AP2A2: variants seen among roughly 807,000 people sequenced by gnomAD.
AP2A2 encodes adaptor related protein complex 2 subunit alpha 2.
In AP2A2, 32 loss-of-function variants were observed where a neutral mutation model predicts 104.2. The ratio of observed to expected loss-of-function variants is 0.31; its 90% CI spans 0.23 to 0.41. The LOEUF is 0.41. AP2A2 is among the 10% of genes least tolerant of loss of function. The pLI is 1.00. For synonymous variants in AP2A2, 539 were observed against 533.3 expected, an observed-to-expected ratio of 1.01 and a Z score of -0.15; for missense variants, 912 against 1,261.0, an observed-to-expected ratio of 0.72 and a Z score of 4.19.
chr11:937,552 G>A (rs1316225825), intron 1 of AP2A2, among the ~76,000 whole-genome samples: 5 of 152,184 alleles, frequency 3.3e-5, no homozygotes, highest in African/African-American at 9.7e-5. Context: ...AGGCTGCAGC[G>A]AGCCACGTTT....
At chr11:930,926 G>A (rs992717404) in intron 1 of AP2A2, among the ~76,000 whole-genome samples, 4 of 152,150 alleles carry the variant, frequency 2.6e-5, no homozygotes, top group Admixed American at 6.6e-5. Context: ...TCGTTAGATC[G>A]ACATGCACGT....
intron 1 of AP2A2, among the ~76,000 whole-genome samples, chr11:956,316 C>T (rs1386494803): frequency 6.6e-6 from 1 of 152,118 alleles, no homozygotes; most frequent in African/African-American, 2.4e-5. Context: ...GCATGCGCCA[C>T]CACGCCTGGC....
At chr11:991,800 G>A (rs1855665156) in intron 10 of AP2A2, among the ~76,000 whole-genome samples, 1 of 152,072 alleles carries the variant, frequency 6.6e-6, no homozygotes, top group South Asian at 2.1e-4. Context: ...GGTATTAGGG[G>A]TGCCCTCGGG....
At chr11:967,765 G>C (rs1375138358) in intron 2 of AP2A2, among the ~76,000 whole-genome samples, 1 of 152,144 alleles carries the variant, frequency 6.6e-6, no homozygotes, top group Non-Finnish European at 1.5e-5. Context: ...TCAGACTGGA[G>C]CCCAAACTTA....
chr11:934,231 G>A (rs749344941), intron 1 of AP2A2, among the ~76,000 whole-genome samples: 12 of 152,232 alleles, frequency 7.9e-5, no homozygotes, highest in Non-Finnish European at 1.2e-4. Context: ...ACTTCTAGCC[G>A]GGGGTTTGGG....
At chr11:952,003 G>A (rs990182323) in intron 1 of AP2A2, among the ~76,000 whole-genome samples, 1 of 151,974 alleles carries the variant, frequency 6.6e-6, no homozygotes, top group Non-Finnish European at 1.5e-5. Context: ...CTAGTAGCTG[G>A]GACCACAGGC....
At chr11:974,995 C>G (rs112378690) in intron 4 of AP2A2, among the ~76,000 whole-genome samples, 220 of 152,280 alleles carry the variant, frequency 1.4e-3, no homozygotes, top group Admixed American at 3.3e-3. Context: ...AAAACAAAAA[C>G]AAAAACATGC....
At chr11:990,543 C>T (rs757865474) in intron 10 of AP2A2, among the ~76,000 whole-genome samples, 5 of 152,186 alleles carry the variant, frequency 3.3e-5, no homozygotes, top group Non-Finnish European at 5.9e-5. Flanking sequence ...CCGGTGTCTG[C>T]TCTCGCCCCT....
Position 1,000,516 on chromosome 11 carries a change from A to G in AP2A2, c.2041A>G (p.Ser681Gly). 1.3e-6 allele frequency: 2 copies of G among 1,542,144 alleles called. No individual in the cohort carries two copies. The highest frequency in any genetic ancestry group is 1.7e-6 in the Non-Finnish European group (2 of 1,148,854). Residue 681 changes from serine to glycine, a missense_variant, in exon 15 of 22, where the codon AGC (serine) becomes GGC (glycine). Coordinates refer to ENST00000448903, the MANE Select transcript of AP2A2 (RefSeq NM_012305.4). ...GGGCCCCCCACCCTCCTCCGGCGGC[A>G]GCGGGCTGCTCGTGGACGTGTTCTC... The part of the protein sequence containing the change: ...PAGPPPSSGG[S>G]GLLVDVFSDS...
intron 6 of AP2A2, among the ~76,000 whole-genome samples, 183 bp from the exon 7 acceptor site, chr11:984,462 C>T (rs897717462): frequency 9.2e-5 from 14 of 152,282 alleles, no homozygotes; most frequent in East Asian, 1.9e-4. Context: ...TGCCGAGTGA[C>T]AGTGCAGCCC....
intron 1 of AP2A2, among the ~76,000 whole-genome samples, chr11:951,702 G>C (rs1175869120): frequency 1.3e-5 from 2 of 152,190 alleles, no homozygotes; most frequent in African/African-American, 4.8e-5. Flanking sequence ...ATAGCCCAGG[G>C]TCACGTAGCT....
At chr11:933,176 G>A (rs1044595323) in intron 1 of AP2A2, among the ~76,000 whole-genome samples, 8 of 152,170 alleles carry the variant, frequency 5.3e-5, no homozygotes, top group Non-Finnish European at 1.2e-4. Flanking sequence ...GCTGAGGCAG[G>A]AGAATCACTT....
rs1033469479 is a variant in AP2A2 at position 1,008,886 on chromosome 11, G to T, written c.2421-214G>T. The T allele has an allele frequency of 5.2e-6, 3 of 579,454 alleles. No homozygotes were observed. In the Admixed American group the frequency reaches 9.4e-5, roughly 18 times the overall value. 35.9% of individuals were successfully genotyped at this position (579,454 alleles called of 1,614,324 possible). A position where few individuals can be genotyped will look rare whatever the true frequency, so the allele number is the denominator to read the frequency against. The stretch of plus-strand genomic sequence containing the variant: ...GAGAAGTGAGGCACAGGGACGTCCT[G>T]CCTGAGTATGCGGCCCTGGCCTGTC... On this transcript the variant is annotated intron_variant, in intron 18 of 21. Transcript: ENST00000448903.
intron 1 of AP2A2, among the ~76,000 whole-genome samples, chr11:928,142 A>G (rs186282876): frequency 1.3e-5 from 2 of 152,334 alleles, no homozygotes; most frequent in Admixed American, 1.3e-4. Flanking sequence ...CGCCTACCAC[A>G]GTGAGTGCGG....
Position 1,010,483 on chromosome 11 carries a change from A to G in AP2A2, c.2743-65A>G. ...TGGCCCACAGGGTTCTGCATGGCGG[A>G]TCCTGGACCCGAGGGCTGTGTGAGC... On this transcript the variant is annotated intron_variant, in intron 21 of 21. Transcript: ENST00000448903. 5 of 1,371,108 alleles carry G rather than the reference A, an allele frequency of 3.6e-6. No individual in the cohort carries two copies. The South Asian group carries it at 3.8e-5, about 10-fold the overall frequency. 84.9% of individuals were successfully genotyped at this position (1,371,108 alleles called of 1,614,324 possible). A position where few individuals can be genotyped will look rare whatever the true frequency, so the allele number is the denominator to read the frequency against.
chr11:1,002,219 G>C (rs142389748), intron 15 of AP2A2, among the ~76,000 whole-genome samples: 1 of 152,252 alleles, frequency 6.6e-6, no homozygotes, highest in Non-Finnish European at 1.5e-5. Context: ...CACACCCTGA[G>C]TGTAAACTCC....
intron 5 of AP2A2, among the ~76,000 whole-genome samples, chr11:979,607 G>T (rs1855172798): frequency 6.6e-6 from 1 of 152,168 alleles, no homozygotes; most frequent in Non-Finnish European, 1.5e-5. Flanking sequence ...TGTCACCCAG[G>T]CTGGAGTGCA....
At chr11:990,452 CT>C (rs1855607867) in intron 10 of AP2A2, among the ~76,000 whole-genome samples, 1 of 151,804 alleles carries the variant, frequency 6.6e-6, no homozygotes, top group Admixed American at 6.5e-5. Flanking sequence ...GATTGTTGTT[CT>C]GGGTGTTTTG....
At chr11:936,016 C>T (rs937994991) in intron 1 of AP2A2, among the ~76,000 whole-genome samples, 1 of 151,572 alleles carries the variant, frequency 6.6e-6, no homozygotes, top group Non-Finnish European at 1.5e-5. Context: ...ATTCTTCTGC[C>T]TCAGCCTCCC....
Sources: allele counts gnomAD v4.1 joint callset (sites outside exome capture counted in the v4.1 genomes callset), GRCh38; gene constraint gnomAD v4.1.1; transcripts MANE v1.5; gene names NCBI Gene and HGNC (gene_info 2026-07-23, HGNC 2026-07-21).